BCO1: variants seen among roughly 807,000 people sequenced by gnomAD.
BCO1 encodes beta,beta-carotene 15,15'-dioxygenase.
BCO1 carries 54 observed loss-of-function variants against 56.3 expected under a neutral mutation model. That is an observed-to-expected ratio of 0.96 (90% confidence interval 0.77 to 1.20). The LOEUF is 1.20. BCO1 is among the 50% of genes most tolerant of loss of function. BCO1 has a pLI of 0.00. For missense variants in BCO1, 801 were observed against 690.9 expected (o/e 1.16, Z -1.79); for synonymous variants, 318 against 266.1 (o/e 1.20, Z -1.90).
chr16:81,283,360 C>T (rs1396680878), intron 8 of BCO1, among the ~76,000 whole-genome samples: 1 of 151,800 alleles, frequency 6.6e-6, no homozygotes, highest in Non-Finnish European at 1.5e-5. Context: ...GAAGCTGAGA[C>T]AGGTGGGGCA....
intron 5 of BCO1, among the ~76,000 whole-genome samples, chr16:81,267,374 A>T (rs1906891977): frequency 6.6e-6 from 1 of 152,176 alleles, no homozygotes; most frequent in Non-Finnish European, 1.5e-5. Context: ...GCACTTTGGG[A>T]GGCCGAGGCG....
At chr16:81,263,446 G>A (rs542908779) in intron 4 of BCO1, 1 of 152,292 alleles carries the variant, frequency 6.6e-6, no homozygotes, top group South Asian at 2.1e-4. Flanking sequence ...CCCCAGTGCA[G>A]TATGACCTCA....
chr16:81,244,717 CTTTTTTTT>C (rs55904406), intron 1 of BCO1, among the ~76,000 whole-genome samples: 1 of 129,220 alleles, frequency 7.7e-6, no homozygotes, highest in Non-Finnish European at 1.6e-5. Flanking sequence ...TTGCCCCTAT[CTTTTTTTT>C]TTTTTTTTTT....
intron 3 of BCO1, 105 bp from the exon 4 acceptor site, chr16:81,262,031 A>C (rs1251098723): frequency 1.4e-6 from 2 of 1,411,756 alleles, no homozygotes; most frequent in Admixed American, 1.7e-5. Context: ...CACCCGGCCG[A>C]AGTAAAGCAT....
chr16:81,265,368 C>T (rs1906748153), intron 5 of BCO1, among the ~76,000 whole-genome samples: 1 of 149,434 alleles, frequency 6.7e-6, no homozygotes, highest in African/African-American at 2.5e-5. Flanking sequence ...TCCACCCATC[C>T]ACCCACCATG....
intron 1 of BCO1, 76 bp from the exon 2 acceptor site, chr16:81,245,399 C>T (rs533416185): frequency 6.2e-7 from 1 of 1,609,102 alleles, no homozygotes; most frequent in African/African-American, 1.3e-5. Context: ...CTCTCAAATT[C>T]CTTTCCATGA....
intron 7 of BCO1, among the ~76,000 whole-genome samples, chr16:81,274,129 C>A (rs530447677): frequency 1.3e-5 from 2 of 152,256 alleles, no homozygotes; most frequent in South Asian, 4.2e-4. Context: ...TGACCTCAGC[C>A]TAGGGATAGT....
In BCO1 at chr16:81,278,618, C is replaced by G. The variant is rs1907692358; in HGVS notation, c.1102-2239C>G. Among the ~76,000 whole-genome samples, 3 of 152,222 alleles carry G rather than the reference C, an allele frequency of 2.0e-5. No homozygotes were observed. In the South Asian group the frequency reaches 6.2e-4, roughly 32 times the overall value. On this transcript the variant is annotated intron_variant, in intron 7 of 10. Transcript: ENST00000258168. ...TAAAGGAGATAATTACAGCTCAGGG[C>G]CAGTGCCTTGGAGACACTGCAGATT...
chr16:81,271,524 C>T (rs1195383138), intron 7 of BCO1, among the ~76,000 whole-genome samples: 1 of 152,186 alleles, frequency 6.6e-6, no homozygotes, highest in African/African-American at 2.4e-5. Flanking sequence ...ACACACCCCA[C>T]ACCCCTTAGC....
rs377189814 is a variant in BCO1 at position 81,244,915 on chromosome 16, A to T, written c.65-560A>T. Among the ~76,000 whole-genome samples the T allele has an allele frequency of 1.1e-4, 16 of 151,622 alleles. No individual in the cohort carries two copies. The East Asian group carries it at 2.9e-3, about 28-fold the overall frequency. ...TTTTTGGGGGGTTTTTTTGACACAG[A>T]GTTTCGCTCTTGTTGCCCAGACTTT... On this transcript the variant is annotated intron_variant, in intron 1 of 10. Transcript: ENST00000258168.
chr16:81,267,931 C>A lies in BCO1; in HGVS notation c.643C>A (p.Pro215Thr). 1 of 1,613,764 alleles carries A rather than the reference C, an allele frequency of 6.2e-7. No homozygotes were observed. The highest frequency in any genetic ancestry group is 1.3e-5 in the African/African-American group (1 of 74,934). Residue 215 changes from proline (P) to threonine (T), a missense_variant, in exon 6 of 11, where the codon CCC (proline) becomes ACC (threonine). Physicochemically the swap from Pro to Thr is conservative, Grantham distance 38. Transcript: ENST00000258168. ...AGAGGGCAAGAAGCAGGGGAAGAGC[C>A]CCTGGAAGCACACAGAGGTGTTCTG... ...VPEGKKQGKS[P>T]WKHTEVFCSI...
At chr16:81,255,895 G>C (rs1029907832) in intron 2 of BCO1, among the ~76,000 whole-genome samples, 1 of 151,446 alleles carries the variant, frequency 6.6e-6, no homozygotes, top group African/African-American at 2.4e-5. Flanking sequence ...GCACGATTTC[G>C]GCTCACTGCA....
intron 1 of BCO1, among the ~76,000 whole-genome samples, chr16:81,239,191 G>A (rs1436057362): frequency 1.3e-5 from 2 of 151,476 alleles, no homozygotes; most frequent in Non-Finnish European, 2.9e-5. Flanking sequence ...TAATCTGTGT[G>A]TTTTTAGTAG....
chr16:81,260,856 T>C (rs994286882), intron 3 of BCO1, among the ~76,000 whole-genome samples: 5 of 152,192 alleles, frequency 3.3e-5, no homozygotes, highest in African/African-American at 9.7e-5. Context: ...ATGAATGTGT[T>C]ACATATCTGA....
intron 7 of BCO1, among the ~76,000 whole-genome samples, chr16:81,276,435 G>A (rs1445241608): frequency 6.6e-6 from 1 of 152,194 alleles, no homozygotes; most frequent in African/African-American, 2.4e-5. Context: ...CCTAAGGGCA[G>A]ACTGCCACTC....
chr16:81,280,784 A>G, intron 7 of BCO1, 73 bp from the exon 8 acceptor site: 3 of 1,106,924 alleles, frequency 2.7e-6, no homozygotes, highest in Non-Finnish European at 4.1e-6. Context: ...TTTAAAAAAT[A>G]TATACACTAA....
chr16:81,246,850 C>CAAAAAAAAAAAAAAAAAAAA (rs71710906), intron 2 of BCO1, among the ~76,000 whole-genome samples: 14 of 83,324 alleles, frequency 1.7e-4, no homozygotes, highest in African/African-American at 3.3e-4. Flanking sequence ...GACTTTGTCT[C>CAAAAAAAAAAAAAAAAAAAA]AAAAAAAAAA....
chr16:81,260,185 T>C (rs972635801), intron 3 of BCO1, among the ~76,000 whole-genome samples: 1 of 152,010 alleles, frequency 6.6e-6, no homozygotes, highest in African/African-American at 2.4e-5. Context: ...CAAATGTTCA[T>C]TAAAAGAGGA....
intron 7 of BCO1, among the ~76,000 whole-genome samples, chr16:81,274,948 G>C (rs1209833639): frequency 1.3e-5 from 2 of 151,732 alleles, no homozygotes; most frequent in Non-Finnish European, 2.9e-5. Context: ...CTGCTGCTTT[G>C]AAACTAGCAA....
Sources: allele counts gnomAD v4.1 joint callset (sites outside exome capture counted in the v4.1 genomes callset), GRCh38; gene constraint gnomAD v4.1.1; transcripts MANE v1.5; gene names NCBI Gene and HGNC (gene_info 2026-07-23, HGNC 2026-07-21).